Variants in PCNX2 observed in about 807,000 individuals in gnomAD.
PCNX2 encodes the protein pecanex 2.
In PCNX2, 168 loss-of-function variants were observed where a neutral mutation model predicts 223.8. The ratio of observed to expected loss-of-function variants is 0.75; its 90% confidence interval spans 0.66 to 0.85. The LOEUF (loss-of-function observed/expected upper bound fraction) is 0.85. Among genes scored for constraint, PCNX2 ranks in the 40% least tolerant of loss-of-function variants. PCNX2 has a pLI of 0.00. For missense variants in PCNX2, 2,507 were observed against 2,675.5 expected, an observed-to-expected ratio of 0.94 and a Z score of 1.39; for synonymous variants, 1,006 against 1,052.6, an observed-to-expected ratio of 0.96 and a Z score of 0.86.
chr1:233,129,340 C>T (rs1676303575), intron 21 of PCNX2, among the ~76,000 whole-genome samples: 1 of 152,184 alleles, frequency 6.6e-6, no homozygotes, highest in African/African-American at 2.4e-5. Flanking sequence ...AGCTGCCTCC[C>T]CACGGGGCAG....
intron 32 of PCNX2, among the ~76,000 whole-genome samples, chr1:232,998,026 G>A (rs1226409206): frequency 6.6e-6 from 1 of 152,224 alleles, no homozygotes; most frequent in Non-Finnish European, 1.5e-5. Flanking sequence ...CAGATGAATG[G>A]CTGGCCAAGG....
chr1:233,265,994 G>GT (rs1056377105), intron 1 of PCNX2, among the ~76,000 whole-genome samples: 1 of 152,182 alleles, frequency 6.6e-6, no homozygotes, highest in African/African-American at 2.4e-5. Flanking sequence ...GTTACCATGA[G>GT]TACTAGCATC....
Position 233,258,612 on chromosome 1 carries a change from G to A in PCNX2, c.1250C>T (p.Ala417Val), listed in dbSNP as rs556158410. 18 of 1,613,908 alleles carry A rather than the reference G, an allele frequency of 1.1e-5. No individual in the cohort carries two copies. The highest frequency in any genetic ancestry group is 8.9e-5 in the East Asian group (4 of 44,870). The change falls in exon 5 of 34, where the codon GCG becomes GTG. Residue 417 changes from alanine (A) to valine (V), a missense_variant. Around this residue, in one of 3 missense-constraint regions of PCNX2, gnomAD observed 1,031 missense variants for 1,021.7 expected, o/e 1.01. Coordinates refer to ENST00000258229, the MANE Select transcript of PCNX2 (RefSeq NM_014801.4). ...KSDAEPTNPG[A>V]AGSPNAEQIS... ...CTGCTCGGCATTTGGAGAACCGGCC[G>A]CCCCTGGGTTAGTGGGCTCAGCGTC...
At chr1:233,278,274 G>C (rs1661016028) in intron 1 of PCNX2, among the ~76,000 whole-genome samples, 1 of 152,226 alleles carries the variant, frequency 6.6e-6, no homozygotes, top group South Asian at 2.1e-4. Context: ...AGGGCAAACT[G>C]TGCCTGCCTC....
chr1:233,229,066 T>C (rs184827102), intron 9 of PCNX2, among the ~76,000 whole-genome samples: 12 of 152,280 alleles, frequency 7.9e-5, no homozygotes, highest in Non-Finnish European at 1.5e-4. Flanking sequence ...AGGTTATACA[T>C]GGGCAGACAG....
At position 233,120,865 on chromosome 1, in the gene PCNX2, A is replaced by AT. The variant is rs760488981; in HGVS notation, c.3837+14147dup. Among the ~76,000 whole-genome samples, 26 of 152,076 alleles carry AT rather than the reference A, an allele frequency of 1.7e-4. No individual in the cohort carries two copies. In the South Asian group the frequency reaches 2.7e-3, roughly 16 times the overall value. ...AATAAAAGAAACAACAACAAAAACA[A>AT]TTTTTTTTAAAAAAGAACCAACTAC... On this transcript the variant is annotated intron_variant, in intron 21 of 33. Coordinates refer to ENST00000258229, the MANE Select transcript of PCNX2 (RefSeq NM_014801.4).
intron 21 of PCNX2, among the ~76,000 whole-genome samples, chr1:233,117,155 C>A (rs1361754180): frequency 6.6e-6 from 1 of 152,148 alleles, no homozygotes; most frequent in Non-Finnish European, 1.5e-5. Flanking sequence ...AATTTAAAAA[C>A]TCCCTCAAAA....
At chr1:233,081,746 G>C (rs1431136651) in intron 23 of PCNX2, among the ~76,000 whole-genome samples, 1 of 152,170 alleles carries the variant, frequency 6.6e-6, no homozygotes, top group Non-Finnish European at 1.5e-5. Flanking sequence ...AAGCTGCATT[G>C]CTTCTGACCT....
At chr1:233,225,427 T>A (rs78817827) in intron 10 of PCNX2, among the ~76,000 whole-genome samples, 2,556 of 152,194 alleles carry the variant, frequency 0.017, 32 homozygotes, top group South Asian at 0.049. Flanking sequence ...ATAGCACTAA[T>A]AAGTAGTAGG....
intron 10 of PCNX2, among the ~76,000 whole-genome samples, chr1:233,220,794 CA>C (rs1434978181): frequency 6.6e-6 from 1 of 151,834 alleles, no homozygotes; most frequent in East Asian, 1.9e-4. Flanking sequence ...CAATAGCTAA[CA>C]AAAATGAGAG....
At chr1:232,998,066 T>C (rs1029407004) in intron 32 of PCNX2, among the ~76,000 whole-genome samples, 185 bp downstream of exon 32, 1 of 152,192 alleles carries the variant, frequency 6.6e-6, no homozygotes, top group African/African-American at 2.4e-5. Context: ...TGGTAAAAGC[T>C]GAATCTAACA....
intron 8 of PCNX2, chr1:233,241,248 G>A (rs1033966325): frequency 1.0e-6 from 1 of 985,420 alleles, no homozygotes; most frequent in African/African-American, 1.7e-5. Context: ...GCAAGGCTGG[G>A]AGCATGGGAC....
Position 233,189,559 on chromosome 1 carries a change from A to G in PCNX2, c.3066+9380T>C, listed in dbSNP as rs543158237. Among the ~76,000 whole-genome samples, 11 of 152,306 alleles carry G rather than the reference A, an allele frequency of 7.2e-5. No individual in the cohort carries two copies. The South Asian group carries it at 2.1e-3, about 29-fold the overall frequency. The stretch of plus-strand genomic sequence containing the variant: ...CTAGGAGGCATCTCAGGTCCACTTC[A>G]GCATTAAATAATATCTAGAACTATG... On this transcript the variant is annotated intron_variant, in intron 15 of 33. Coordinates refer to ENST00000258229, the MANE Select transcript of PCNX2 (RefSeq NM_014801.4).
chr1:233,196,718 C>A (rs904542003), intron 15 of PCNX2, among the ~76,000 whole-genome samples: 4 of 152,020 alleles, frequency 2.6e-5, no homozygotes, highest in Non-Finnish European at 5.9e-5. Context: ...TCAGCAAGAA[C>A]CTAGAACACT....
chr1:233,303,463 C>T, the PCNX2 span, among the ~76,000 whole-genome samples: 2 of 152,106 alleles, frequency 1.3e-5, no homozygotes, highest in Non-Finnish European at 2.9e-5. Flanking sequence ...TTCAGTGAGC[C>T]ATGTTCACAC....
At chr1:233,163,299 A>G (rs1009973189) in intron 17 of PCNX2, among the ~76,000 whole-genome samples, 1 of 151,830 alleles carries the variant, frequency 6.6e-6, no homozygotes, top group African/African-American at 2.4e-5. Flanking sequence ...CAGCCTGGCC[A>G]AACATGATGA....
At chr1:233,314,857 C>T in the PCNX2 span, among the ~76,000 whole-genome samples, 3 of 152,162 alleles carry the variant, frequency 2.0e-5, no homozygotes, top group Non-Finnish European at 2.9e-5. Flanking sequence ...ACTCATTGAA[C>T]CCTCACCTTT....
chr1:233,265,062 AC>A (rs902953700), intron 1 of PCNX2, among the ~76,000 whole-genome samples: 3 of 150,262 alleles, frequency 2.0e-5, no homozygotes, highest in Admixed American at 6.6e-5. Context: ...ACATAGTGAG[AC>A]CCCCCCTCCG....
chr1:233,227,493 CA>C, intron 9 of PCNX2, 122 bp from the exon 10 acceptor site: 1 of 888,488 alleles, frequency 1.1e-6, no homozygotes, highest in Non-Finnish European at 1.5e-6. Flanking sequence ...TTTAAAAATA[CA>C]AAAAGCAAAT....
Sources: allele counts gnomAD v4.1 joint callset (sites outside exome capture counted in the v4.1 genomes callset), GRCh38; gene constraint gnomAD v4.1.1; regional missense constraint gnomAD v4.1.1; transcripts MANE v1.5; gene names NCBI Gene and HGNC (gene_info 2026-07-23, HGNC 2026-07-21).